The following FRYL variants were observed in gnomAD, a reference collection of about 807,000 sequenced individuals.
FRYL encodes the protein protein furry homolog-like.
A neutral mutation model predicts 351.2 loss-of-function variants in FRYL; 150 were observed. The ratio of observed to expected loss-of-function variants is 0.43; its 90% CI spans 0.37 to 0.49. The LOEUF (loss-of-function observed/expected upper bound fraction) is 0.49, where lower values mean the gene tolerates loss of function less well. Among genes scored for constraint, FRYL ranks in the 20% least tolerant of loss-of-function variants. The probability of loss-of-function intolerance (pLI) is 0.00; values close to 1 mark genes in which losing one functional copy is unlikely to be tolerated. For missense variants in FRYL, 3,036 were observed against 3,619.3 expected (o/e 0.84, Z 4.13); for synonymous variants, 1,153 against 1,257.1 (o/e 0.92, Z 1.75).
intron 1 of FRYL, among the ~76,000 whole-genome samples, chr4:48,749,215 G>A (rs1422485299): frequency 6.6e-6 from 1 of 152,268 alleles, no homozygotes; most frequent in East Asian, 1.9e-4. Context: ...AATCACTCCG[G>A]CTACTGAAAC....
chr4:48,766,469 GC>G (rs1281335444), intron 1 of FRYL, among the ~76,000 whole-genome samples: 4 of 152,200 alleles, frequency 2.6e-5, no homozygotes, highest in Admixed American at 1.3e-4. Flanking sequence ...CTACTCAGAG[GC>G]CCTTGTGCAG....
chr4:48,532,161 T>C (rs1158147145), intron 49 of FRYL, among the ~76,000 whole-genome samples: 1 of 152,170 alleles, frequency 6.6e-6, no homozygotes, highest in Non-Finnish European at 1.5e-5. Context: ...TTGTATTATA[T>C]TATACATATT....
chr4:48,589,077 C>T (rs1397081040), intron 18 of FRYL, among the ~76,000 whole-genome samples: 3 of 152,106 alleles, frequency 2.0e-5, no homozygotes, highest in African/African-American at 7.2e-5. Flanking sequence ...AGATTAAATA[C>T]CAAATTTGGT....
chr4:48,608,885 G>A (rs1187767112), intron 9 of FRYL, 102 bp downstream of exon 9: 8 of 764,926 alleles, frequency 1.0e-5, no homozygotes, highest in Non-Finnish European at 1.9e-5. Context: ...TTAGTGCTAT[G>A]GAAAATGGTG....
intron 2 of FRYL, among the ~76,000 whole-genome samples, chr4:48,708,405 T>C (rs1312671302): frequency 2.6e-5 from 4 of 152,112 alleles, no homozygotes. Flanking sequence ...AGGTGGAAGT[T>C]GCAGTGAGCC....
At chr4:48,551,832 C>A (rs1415223758) in intron 36 of FRYL, among the ~76,000 whole-genome samples, 1 of 152,110 alleles carries the variant, frequency 6.6e-6, no homozygotes. Context: ...TGGGTGAAAA[C>A]CAAGAAGCTT....
intron 3 of FRYL, among the ~76,000 whole-genome samples, chr4:48,643,878 G>A (rs1755830268): frequency 6.6e-6 from 1 of 152,138 alleles, no homozygotes; most frequent in African/African-American, 2.4e-5. Flanking sequence ...CATAGTCATA[G>A]ATGGAAGGAT....
chr4:48,669,654 ATC>A (rs1246184344), intron 3 of FRYL, among the ~76,000 whole-genome samples: 1 of 147,182 alleles, frequency 6.8e-6, no homozygotes, highest in Non-Finnish European at 1.5e-5. Context: ...AAAATTATAT[ATC>A]TCATTAATTA....
intron 53 of FRYL, among the ~76,000 whole-genome samples, chr4:48,524,008 T>C (rs1280505791): frequency 1.3e-5 from 2 of 152,208 alleles, no homozygotes; most frequent in Admixed American, 1.3e-4. Context: ...TAAGGATTTA[T>C]ATAAGTTATG....
rs1553983292 is a variant in FRYL, at chr4:48,702,773, A to AAAG, written c.-204+7745_-204+7746insCTT. On this transcript the variant is annotated intron_variant, in intron 2 of 63. Coordinates refer to ENST00000358350, the MANE Select transcript of FRYL (RefSeq NM_015030.2). The stretch of plus-strand genomic sequence containing the variant: ...AAGACTCCGTCTCAAAAAAAAAAAA[A>AAAG]AAAGAAAAAGAAAGAAAAGAAAAAA... Among the ~76,000 whole-genome samples, 336 of 139,268 alleles carry AAAG rather than the reference A, an allele frequency of 2.4e-3. 37 individuals carry two copies. The highest frequency in any genetic ancestry group is 5.0e-3 in the African/African-American group (188 of 37,458). The allele number at this position is 139,268 out of a possible 152,430, so 91.4% of individuals were successfully genotyped here. A position where few individuals can be genotyped will look rare whatever the true frequency, so the allele number is the denominator to read the frequency against.
rs182530744 is a variant in FRYL, at chr4:48,683,212, T to C, written c.-81+1461A>G. On this transcript the variant is annotated intron_variant, in intron 3 of 63. Transcript: ENST00000358350. ...CATGTTCTCACTCATAATTGGGAGTTGAACAATGAGAACACATGGACACAA... is the reference window on the plus strand; with the variant it reads ...CATGTTCTCACTCATAATTGGGAGTCGAACAATGAGAACACATGGACACAA... Among the ~76,000 whole-genome samples the C allele has an allele frequency of 4.0e-4, 59 of 147,432 alleles. 1 individual carries two copies. The East Asian group carries it at 0.011, about 27-fold the overall frequency.
At chr4:48,777,748 C>T (rs750289937) in intron 1 of FRYL, among the ~76,000 whole-genome samples, 136 of 152,144 alleles carry the variant, frequency 8.9e-4, no homozygotes, top group Non-Finnish European at 1.2e-3. Flanking sequence ...CATTTAAAAA[C>T]TTGGTTTAAC....
At chr4:48,649,821 C>T (rs974380183) in intron 3 of FRYL, among the ~76,000 whole-genome samples, 2 of 152,122 alleles carry the variant, frequency 1.3e-5, no homozygotes, top group African/African-American at 4.8e-5. Flanking sequence ...AACCAGAGGG[C>T]CTCTAGCGAC....
chr4:48,714,805 C>T (rs1380142990), intron 1 of FRYL, among the ~76,000 whole-genome samples: 3 of 149,716 alleles, frequency 2.0e-5, no homozygotes, highest in Admixed American at 1.3e-4. Flanking sequence ...CAAAGCCGGG[C>T]AGAGACACAA....
In FRYL at chr4:48,531,186, C is replaced by G; in HGVS notation, c.6873G>C (p.Lys2291Asn). The G allele has an allele frequency of 6.2e-7, 1 of 1,609,216 alleles. No homozygotes were observed. Among genetic ancestry groups the G allele is most frequent in the East Asian group, 2.2e-5 (1 of 44,840 alleles). Residue 2291 changes from lysine to asparagine, a missense_variant, in exon 50 of 64, where the codon AAG becomes AAC. Around this residue, in one of 7 missense-constraint regions of FRYL, gnomAD observed 1,987 missense variants for 2,311.7 expected, o/e 0.86. Coordinates refer to ENST00000358350, the MANE Select transcript of FRYL (RefSeq NM_015030.2). ...ATATATCAAAATGAAAATCTAAGGT[C>G]TTCCCAGGCAACTCCTTAGAAACAT... ...FNNVSKELPG[K>N]TLDFHFDISE...
chr4:48,570,670 C>T (rs1326896687), intron 27 of FRYL, among the ~76,000 whole-genome samples, 157 bp downstream of exon 27: 3 of 152,166 alleles, frequency 2.0e-5, no homozygotes, highest in African/African-American at 7.2e-5. Flanking sequence ...GTCAGTGTAT[C>T]GAATGCATAT....
At chr4:48,540,198 T>A in intron 46 of FRYL, 130 bp from the exon 47 acceptor site, 1 of 1,166,146 alleles carries the variant, frequency 8.6e-7, no homozygotes, top group Admixed American at 2.8e-5. Context: ...ATCTTCTAAT[T>A]CTTTTTTGGC....
At chr4:48,571,139 C>G (rs1738227499) in intron 26 of FRYL, among the ~76,000 whole-genome samples, 1 of 152,142 alleles carries the variant, frequency 6.6e-6, no homozygotes, top group African/African-American at 2.4e-5. Context: ...ATGGTGACAA[C>G]CCCTGTGTGT....
At chr4:48,631,818 T>G (rs1753023329) in intron 4 of FRYL, among the ~76,000 whole-genome samples, 1 of 151,224 alleles carries the variant, frequency 6.6e-6, no homozygotes, top group Non-Finnish European at 1.5e-5. Context: ...TCCCAGGACT[T>G]TGGGAGACCA....
Sources: gnomAD v4.1 joint callset for allele counts (sites outside exome capture counted in the v4.1 genomes callset) on GRCh38, gnomAD v4.1.1 for gene constraint, gnomAD v4.1.1 regional missense constraint, MANE v1.5 for transcripts, NCBI Gene and HGNC (gene_info 2026-07-23, HGNC 2026-07-21) for gene names.